Variants in UST observed in about 807,000 individuals in gnomAD.
UST encodes the protein uronyl 2-sulfotransferase, also known as chondroitin sulfate 2-O-sulfotransferase.
Under a neutral mutation model 45.6 loss-of-function variants are expected in UST, and 21 were observed. The observed-to-expected ratio is 0.46, with a 90% CI of 0.33 to 0.66. The LOEUF is 0.66. Ranked by LOEUF, UST falls within the 30% of genes least tolerant of loss-of-function variation. The pLI is 0.02. For synonymous variants in UST, 215 were observed against 200.6 expected (o/e 1.07, Z -0.61); for missense variants, 463 against 512.4 (o/e 0.90, Z 0.93).
chr6:148,859,334 G>A (rs1190725082), intron 1 of UST, among the ~76,000 whole-genome samples: 5 of 152,156 alleles, frequency 3.3e-5, no homozygotes, highest in African/African-American at 1.2e-4. Flanking sequence ...CTTTTTGATG[G>A]GGTTGTTTGA....
At chr6:148,980,798 C>T (rs1293536517) in intron 5 of UST, among the ~76,000 whole-genome samples, 1 of 152,142 alleles carries the variant, frequency 6.6e-6, no homozygotes, top group African/African-American at 2.4e-5. Flanking sequence ...CAGCTCGCTG[C>T]AGCCTCTACC....
intron 3 of UST, among the ~76,000 whole-genome samples, chr6:148,941,956 C>T (rs1323990918): frequency 6.6e-6 from 1 of 152,114 alleles, no homozygotes; most frequent in East Asian, 1.9e-4. Flanking sequence ...TTCACAGGAA[C>T]AATTTTGCCC....
intron 1 of UST, among the ~76,000 whole-genome samples, chr6:148,849,689 T>C (rs1276906207): frequency 1.3e-5 from 2 of 152,122 alleles, no homozygotes; most frequent in Admixed American, 6.5e-5. Flanking sequence ...AAGCACCTTA[T>C]AAAACCATCA....
At chr6:148,976,311 G>T (rs1309941822) in intron 5 of UST, among the ~76,000 whole-genome samples, 3 of 152,114 alleles carry the variant, frequency 2.0e-5, no homozygotes, top group Admixed American at 6.6e-5. Flanking sequence ...CAATTTCTGT[G>T]GTGTCAATAC....
intron 7 of UST, among the ~76,000 whole-genome samples, chr6:149,056,751 A>T (rs1280709902): frequency 6.6e-6 from 1 of 152,234 alleles, no homozygotes; most frequent in Non-Finnish European, 1.5e-5. Context: ...AGTACATTTA[A>T]TTTTAAAGTA....
intron 5 of UST, among the ~76,000 whole-genome samples, chr6:148,991,227 T>C (rs2114992310): frequency 6.6e-6 from 1 of 152,318 alleles, no homozygotes; most frequent in Admixed American, 6.5e-5. Context: ...CTCTGAATGA[T>C]AGTGGCAAAA....
chr6:148,929,584 G>A (rs748356600), intron 2 of UST, among the ~76,000 whole-genome samples: 2 of 152,144 alleles, frequency 1.3e-5, no homozygotes, highest in Non-Finnish European at 2.9e-5. Flanking sequence ...ATGGAATGAG[G>A]CCTAAAACCT....
intron 7 of UST, among the ~76,000 whole-genome samples, chr6:149,065,936 T>A (rs1225556570): frequency 6.6e-6 from 1 of 152,162 alleles, no homozygotes; most frequent in Non-Finnish European, 1.5e-5. Flanking sequence ...TTCACAGTGC[T>A]ATGAGGACTA....
intron 2 of UST, among the ~76,000 whole-genome samples, chr6:148,888,798 C>T (rs568129603): frequency 6.6e-6 from 1 of 152,232 alleles, no homozygotes; most frequent in Non-Finnish European, 1.5e-5. Flanking sequence ...GGTAGAAATA[C>T]AAATATGAAA....
intron 2 of UST, among the ~76,000 whole-genome samples, chr6:148,920,001 A>G (rs558479509): frequency 6.6e-6 from 1 of 152,250 alleles, no homozygotes; most frequent in Non-Finnish European, 1.5e-5. Context: ...TTTCAAAATC[A>G]TAAGAGGTTC....
intron 7 of UST, among the ~76,000 whole-genome samples, chr6:149,037,951 G>A (rs1776260054): frequency 6.6e-6 from 1 of 152,268 alleles, no homozygotes; most frequent in South Asian, 2.1e-4. Context: ...TGGGGCCTCC[G>A]AGGCGCCATG....
intron 5 of UST, among the ~76,000 whole-genome samples, chr6:149,003,885 A>G (rs1343077591): frequency 6.6e-6 from 1 of 152,210 alleles, no homozygotes; most frequent in Non-Finnish European, 1.5e-5. Flanking sequence ...CCAGCATTTA[A>G]TAGACGTGCA....
At chr6:148,958,126 G>C (rs1337270629) in intron 4 of UST, among the ~76,000 whole-genome samples, 2 of 152,082 alleles carry the variant, frequency 1.3e-5, no homozygotes, top group African/African-American at 4.8e-5. Flanking sequence ...AGACAGTCTT[G>C]AGTCATGTAC....
intron 1 of UST, among the ~76,000 whole-genome samples, chr6:148,854,994 G>A (rs1199549389): frequency 1.3e-5 from 2 of 152,242 alleles, no homozygotes; most frequent in South Asian, 4.2e-4. Context: ...CACAATTATG[G>A]TGGAAGGCAA....
At chr6:149,041,175 G>A (rs554448999) in intron 7 of UST, among the ~76,000 whole-genome samples, 2 of 152,326 alleles carry the variant, frequency 1.3e-5, no homozygotes, top group South Asian at 4.1e-4. Flanking sequence ...AGGGCTTTAT[G>A]GATATTGATG....
chr6:149,058,448 C>T (rs1210750031), intron 7 of UST, among the ~76,000 whole-genome samples: 1 of 151,332 alleles, frequency 6.6e-6, no homozygotes, highest in Non-Finnish European at 1.5e-5. Context: ...CCTAGGCCTG[C>T]AAATGCCACA....
intron 1 of UST, among the ~76,000 whole-genome samples, chr6:148,820,626 G>A (rs1291385703): frequency 6.6e-6 from 1 of 152,006 alleles, no homozygotes; most frequent in East Asian, 1.9e-4. Context: ...CGAGGCAGGC[G>A]GATCACGAGG....
intron 7 of UST, among the ~76,000 whole-genome samples, chr6:149,053,459 T>C (rs1022613483): frequency 6.6e-6 from 1 of 152,250 alleles, no homozygotes; most frequent in African/African-American, 2.4e-5. Flanking sequence ...GTCATATTTT[T>C]CCCTGTCTTC....
chr6:148,953,193 A>G (rs1481332996), intron 3 of UST, among the ~76,000 whole-genome samples: 1 of 152,192 alleles, frequency 6.6e-6, no homozygotes, highest in East Asian at 1.9e-4. Context: ...ATATTTTTGT[A>G]TATCCCAATA....
Sources: allele counts gnomAD v4.1 joint callset (sites outside exome capture counted in the v4.1 genomes callset), GRCh38; gene constraint gnomAD v4.1.1; transcripts MANE v1.5; gene names NCBI Gene and HGNC (gene_info 2026-07-23, HGNC 2026-07-21).